KRT14: variants seen among roughly 807,000 people sequenced by gnomAD.
The protein encoded by KRT14 is keratin, type I cytoskeletal 14.
In KRT14, 30 loss-of-function variants were observed where a neutral mutation model predicts 44.5. That is an observed-to-expected ratio of 0.67 (90% CI 0.50 to 0.92). KRT14 has a LOEUF of 0.92. KRT14 is among the 40% of genes least tolerant of loss of function. The pLI is 0.00. For missense variants in KRT14, 535 were observed against 640.6 expected, an observed-to-expected ratio of 0.84 and a Z score of 1.78; for synonymous variants, 241 against 257.6, an observed-to-expected ratio of 0.94 and a Z score of 0.62.
intron 2 of KRT14, 122 bp from the exon 3 acceptor site, chr17:41,584,535 T>C (rs1281183290): frequency 7.7e-6 from 8 of 1,044,916 alleles, no homozygotes; most frequent in Admixed American, 2.0e-5. Context: ...GGAGCCAATC[T>C]TGAAAATGGC....
chr17:41,585,163 C>T, intron 1 of KRT14, 106 bp from the exon 2 acceptor site: 3 of 875,742 alleles, frequency 3.4e-6, no homozygotes, highest in Non-Finnish European at 3.7e-6. Flanking sequence ...CTGAATCCCC[C>T]TTTTCCCCCA....
rs775519978 is a variant in KRT14 at position 41,584,358 on chromosome 17, G to A, written c.664C>T (p.Arg222Cys). 34 of 1,613,860 alleles carry A rather than the reference G, an allele frequency of 2.1e-5. No homozygotes were observed. The highest frequency in any genetic ancestry group is 6.7e-5 in the African/African-American group (5 of 74,848). ...MSVEADINGL[R>C]RVLDELTLAR... Reference sequence around the variant, plus strand: ...AGGGTCAGTTCGTCCAGCACCCTGCGCAGGCCATTGATGTCGGCTTCCACA... The same window carrying A: ...AGGGTCAGTTCGTCCAGCACCCTGCACAGGCCATTGATGTCGGCTTCCACA... The change falls in exon 3 of 8, where the codon CGC (arginine) becomes TGC (cysteine). Residue 222 changes from arginine to cysteine, a missense_variant. Coordinates refer to ENST00000167586, the MANE Select transcript of KRT14 (RefSeq NM_000526.5).
chr17:41,583,572 C>T lies in KRT14; in HGVS notation c.1032G>A (p.Glu344=), dbSNP rs774590553. 2.5e-6 allele frequency: 4 copies of T among 1,614,122 alleles called. No homozygotes were observed. Among genetic ancestry groups the T allele is most frequent in the South Asian group, 2.2e-5 (2 of 91,096 alleles). The part of the protein sequence containing the change: ...LRRTMQNLEI[E]LQSQLSMKAS... ...CTACCATGCTGAGCTGGGACTGCAGCTCAATCTCCAGGTTCTGCATGGTGC... is the reference window on the plus strand; with the variant it reads ...CTACCATGCTGAGCTGGGACTGCAGTTCAATCTCCAGGTTCTGCATGGTGC... Residue 344 remains glutamate, a synonymous_variant, in exon 5 of 8, where the codon GAG becomes GAA. Transcript: ENST00000167586.
Position 41,583,249 on chromosome 17 carries a change from C to T in KRT14, c.1260G>A (p.Glu420=). ...CCAAGACTCACTGGGCGTCCTCGCC[C>T]TCCAGCAGGCGGCGGTAGGTGGCGA... ...QEIATYRRLL[E]GEDAHLSSSQ... is the part of the protein sequence containing the mutation. The change falls in exon 6 of 8, where the codon GAG becomes GAA. Residue 420 remains glutamate, a synonymous_variant. Transcript: ENST00000167586. 2 of 1,613,556 alleles carry T rather than the reference C, an allele frequency of 1.2e-6. No individual in the cohort carries two copies. Among genetic ancestry groups the T allele is most frequent in the Non-Finnish European group, 1.7e-6 (2 of 1,179,996 alleles).
In KRT14 at chr17:41,586,734, A is replaced by G; in HGVS notation, c.101T>C (p.Val34Ala). 2.5e-6 allele frequency: 4 copies of G among 1,588,094 alleles called. No individual in the cohort carries two copies. The highest frequency in any genetic ancestry group is 3.4e-6 in the Non-Finnish European group (4 of 1,168,140). ...IGGGSSRISS[V>A]LAGGSCRAPS... ...GGCGCGGCAGGACCCTCCGGCCAGG[A>G]CGGAGGAGATGCGGCTGGAGCCGCC... is the stretch of plus-strand genomic sequence containing the variant. The change falls in exon 1 of 8, where the codon GTC (valine) becomes GCC (alanine). Residue 34 changes from valine (V) to alanine (A), a missense_variant. Val to Ala is a moderately conservative substitution (Grantham distance 64). Coordinates refer to ENST00000167586, the MANE Select transcript of KRT14 (RefSeq NM_000526.5).
intron 3 of KRT14, 75 bp from the exon 4 acceptor site, chr17:41,583,996 T>C: frequency 6.9e-7 from 1 of 1,453,748 alleles, no homozygotes; most frequent in African/African-American, 1.4e-5. Context: ...GCCTGAATAC[T>C]GCCCTCCCAC....
In KRT14 at chr17:41,583,474, G is replaced by A. The variant is rs768354563; in HGVS notation, c.1054-19C>T. ...ATGCTTTCTGTGAGGGAGGGAAAGG[G>A]AATCAACGATTAGTGAGTGTGGCCG... On this transcript the variant is annotated intron_variant, in intron 5 of 7. Coordinates refer to ENST00000167586, the MANE Select transcript of KRT14 (RefSeq NM_000526.5). 1.1e-5 allele frequency: 18 copies of A among 1,614,042 alleles called. No individual in the cohort carries two copies. In the Middle Eastern group the frequency reaches 4.9e-4, roughly 44 times the overall value.
intron 1 of KRT14, among the ~76,000 whole-genome samples, chr17:41,585,950 C>T (rs1190567544): frequency 6.6e-6 from 1 of 152,256 alleles, no homozygotes; most frequent in African/African-American, 2.4e-5. Context: ...AAGTAGCTGC[C>T]TCCTGTGCTG....
chr17:41,582,473 C>A lies in KRT14; in HGVS notation c.1381G>T (p.Val461Leu), dbSNP rs779457232. ...CGAAGGACCTGCTCGTGGGTGGACA[C>A]CACCTTGCCATCGTGCACATCCATG... ...KVMDVHDGKVVSTHEQVLRTK... is the reference protein window; with the variant it reads ...KVMDVHDGKVLSTHEQVLRTK... The change falls in exon 8 of 8, where the codon GTG becomes TTG. Residue 461 changes from valine (V) to leucine (L), a missense_variant. Physicochemically the swap from Val to Leu is conservative, Grantham distance 32 (BLOSUM62 1). Coordinates refer to ENST00000167586, the MANE Select transcript of KRT14 (RefSeq NM_000526.5). 2.5e-6 allele frequency: 4 copies of A among 1,572,704 alleles called. No individual in the cohort carries two copies. Among genetic ancestry groups the A allele is most frequent in the Non-Finnish European group, 3.5e-6 (4 of 1,159,018 alleles).
intron 7 of KRT14, 143 bp from the exon 8 acceptor site, chr17:41,582,675 G>A: frequency 1.4e-6 from 1 of 706,048 alleles, no homozygotes; most frequent in Non-Finnish European, 2.6e-6. Context: ...CCCTGCTGTT[G>A]CCCAAGCACT....
chr17:41,585,632 C>G (rs902011287), intron 1 of KRT14, among the ~76,000 whole-genome samples: 2 of 152,252 alleles, frequency 1.3e-5, no homozygotes, highest in African/African-American at 4.8e-5. Flanking sequence ...TTGAATTTCC[C>G]TAATCCATGC....
Position 41,582,517 on chromosome 17 carries a change from C to A in KRT14, c.1337G>T (p.Arg446Leu). 6.4e-7 allele frequency: 1 copy of A among 1,565,652 alleles called. No homozygotes were observed. The highest frequency in any genetic ancestry group is 8.7e-7 in the Non-Finnish European group (1 of 1,155,006). Residue 446 changes from arginine (R) to leucine (L), a missense_variant, in exon 8 of 8, where the codon CGC becomes CTC. Arg to Leu is a moderately radical substitution (Grantham distance 102, BLOSUM62 -2). Coordinates refer to ENST00000167586, the MANE Select transcript of KRT14 (RefSeq NM_000526.5). ...ATCCATGACCTTGGTGCGGATTTGG[C>A]GGCTGGAGGAGGTCACTGGGGAAGA... Reference protein sequence around the residue: ...QSSRDVTSSSRQIRTKVMDVH... With the variant: ...QSSRDVTSSSLQIRTKVMDVH...
Position 41,582,384 on chromosome 17 carries a change from G to A in KRT14, c.*51C>T, listed in dbSNP as rs750317381. On this transcript the variant is annotated 3_prime_UTR_variant, in exon 8 of 8. Transcript: ENST00000167586. ...GGCAGGAGAGGGGATCTTCCAGTGG[G>A]ATCTGTGTCCACACGGGGGGCCTCC... is the stretch of plus-strand genomic sequence containing the variant. 121 of 1,380,690 alleles carry A rather than the reference G, an allele frequency of 8.8e-5. 1 individual carries two copies. The highest frequency in any genetic ancestry group is 1.2e-4 in the Non-Finnish European group (118 of 992,824). The allele number at this position is 1,380,690 out of a possible 1,614,324, so 85.5% of individuals were successfully genotyped here.
intron 1 of KRT14, among the ~76,000 whole-genome samples, chr17:41,585,489 G>A (rs1907496664): frequency 6.6e-6 from 1 of 152,186 alleles, no homozygotes; most frequent in Non-Finnish European, 1.5e-5. Context: ...AAGCTCACAG[G>A]CCATGGGACT....
chr17:41,583,157 G>A lies in KRT14; in HGVS notation c.1275-17C>T, dbSNP rs1055410740. Reference sequence around the variant, plus strand: ...GAGGAGAGGCTGTGAAAATAGAAAAGGACAGGATCATTAGATACATGGTGG... The same window carrying A: ...GAGGAGAGGCTGTGAAAATAGAAAAAGACAGGATCATTAGATACATGGTGG... On this transcript the variant is annotated splice_polypyrimidine_tract_variant and intron_variant, in intron 6 of 7. Coordinates refer to ENST00000167586, the MANE Select transcript of KRT14 (RefSeq NM_000526.5). 1.2e-6 allele frequency: 2 copies of A among 1,613,556 alleles called. No individual in the cohort carries two copies. The highest frequency in any genetic ancestry group is 1.7e-5 in the Admixed American group (1 of 60,012).
rs775447717 is a variant in KRT14 at position 41,586,861 on chromosome 17, G to A, written c.-27C>T. ...GTGCAGAGGAGGGAGGTGAGCGAGC[G>A]AGCAGTTGGCTGAGTGAAGAGAAGG... On this transcript the variant is annotated 5_prime_UTR_variant, in exon 1 of 8. Coordinates refer to ENST00000167586, the MANE Select transcript of KRT14 (RefSeq NM_000526.5). 114 of 1,561,074 alleles carry A rather than the reference G, an allele frequency of 7.3e-5. 2 individuals carry two copies. Among genetic ancestry groups the A allele is most frequent in the South Asian group, 2.6e-4 (22 of 85,850 alleles).
In KRT14 at chr17:41,582,468, G is replaced by A; in HGVS notation, c.1386C>T (p.Ser462=). 2 of 1,572,140 alleles carry A rather than the reference G, an allele frequency of 1.3e-6. No individual in the cohort carries two copies. Among genetic ancestry groups the A allele is most frequent in the Non-Finnish European group, 8.6e-7 (1 of 1,158,672 alleles). ...VMDVHDGKVV[S]THEQVLRTKN ...TGGTGCGAAGGACCTGCTCGTGGGTGGACACCACCTTGCCATCGTGCACAT... is the reference window on the plus strand; with the variant it reads ...TGGTGCGAAGGACCTGCTCGTGGGTAGACACCACCTTGCCATCGTGCACAT... Residue 462 remains serine (S), a synonymous_variant, in exon 8 of 8, where the codon TCC becomes TCT. Coordinates refer to ENST00000167586, the MANE Select transcript of KRT14 (RefSeq NM_000526.5).
intron 7 of KRT14, 187 bp downstream of exon 7, chr17:41,582,907 G>C (rs967857598): frequency 9.5e-5 from 63 of 664,192 alleles, no homozygotes; most frequent in Middle Eastern, 4.2e-4. Context: ...GCAAGAGGTG[G>C]GGGCTGCCTC....
intron 5 of KRT14, 47 bp downstream of exon 5, chr17:41,583,504 C>A: frequency 6.2e-7 from 1 of 1,614,204 alleles, no homozygotes; most frequent in Middle Eastern, 1.6e-4. Flanking sequence ...TGGCCGTTCT[C>A]TCCCTGCCAG....
Sources: gnomAD v4.1 joint callset for allele counts (sites outside exome capture counted in the v4.1 genomes callset) on GRCh38, gnomAD v4.1.1 for gene constraint, MANE v1.5 for transcripts, NCBI Gene and HGNC (gene_info 2026-07-23, HGNC 2026-07-21) for gene names.